PEDS1: variants seen among roughly 807,000 people sequenced by gnomAD.
PEDS1 encodes the protein plasmanylethanolamine desaturase 1, also known as CarF homolog.
A neutral mutation model predicts 35.2 loss-of-function variants in PEDS1; 14 were observed. The ratio of observed to expected loss-of-function variants is 0.40; its 90% CI spans 0.26 to 0.62. The LOEUF (loss-of-function observed/expected upper bound fraction) is 0.62. Among genes scored for constraint, PEDS1 ranks in the 20% least tolerant of loss-of-function variants. The pLI is 0.44. For missense variants in PEDS1, 260 were observed against 367.8 expected (o/e 0.71, Z 2.40); for synonymous variants, 152 against 152.0 (o/e 1.00, Z 0.00).
chr20:50,126,191 C>T (rs1248852037), intron 5 of PEDS1, among the ~76,000 whole-genome samples: 2 of 152,190 alleles, frequency 1.3e-5, no homozygotes, highest in Non-Finnish European at 2.9e-5. Context: ...GCTTAGAATA[C>T]AGCCAGGCGC....
At position 50,130,889 on chromosome 20, in the gene PEDS1, T is replaced by A; in HGVS notation, c.300A>T (p.Thr100=). Reference sequence around the variant, plus strand: ...CAATGGGCAGCTCCACAGAGCCCCATGTGTCAGCACCCCAGTGTACCAGGC... The same window carrying A: ...CAATGGGCAGCTCCACAGAGCCCCAAGTGTCAGCACCCCAGTGTACCAGGC... ...LSGLVHWGAD[T]WGSVELPIVG... The change falls in exon 3 of 6, where the codon ACA becomes ACT. Residue 100 remains threonine, a synonymous_variant. Transcript: ENST00000371652. 6.2e-7 allele frequency: 1 copy of A among 1,614,154 alleles called. No individual in the cohort carries two copies. The highest frequency in any genetic ancestry group is 8.5e-7 in the Non-Finnish European group (1 of 1,180,032).
intron 1 of PEDS1, among the ~76,000 whole-genome samples, chr20:50,150,854 C>T (rs1157306248): frequency 6.6e-6 from 1 of 152,134 alleles, no homozygotes; most frequent in Non-Finnish European, 1.5e-5. Context: ...TGCCACCATG[C>T]CCAGCTAATT....
At chr20:50,151,295 T>C (rs1383719983) in intron 1 of PEDS1, 6 of 1,304,296 alleles carry the variant, frequency 4.6e-6, no homozygotes, top group Non-Finnish European at 6.1e-6. Flanking sequence ...GGCATGGCTG[T>C]TCTTCAGAGA....
intron 2 of PEDS1, among the ~76,000 whole-genome samples, chr20:50,132,675 T>A (rs1266766973): frequency 1.3e-5 from 2 of 152,108 alleles, no homozygotes; most frequent in Non-Finnish European, 2.9e-5. Context: ...AACAAGGAGG[T>A]TGGCTCCACC....
chr20:50,121,385 C>G lies in PEDS1; in HGVS notation c.*3673G>C, dbSNP rs988768894. On this transcript the variant is annotated 3_prime_UTR_variant, in exon 6 of 6. Coordinates refer to ENST00000371652, the MANE Select transcript of PEDS1 (RefSeq NM_199129.4). ...GCTGGCTCAAATCCTGATTCTGCCA[C>G]CTACCAGCTGTGTGACCTTGGGCAT... 1 of 152,326 alleles carries G rather than the reference C, an allele frequency of 6.6e-6. No homozygotes were observed. The highest frequency in any genetic ancestry group is 2.4e-5 in the African/African-American group (1 of 41,430). The allele number at this position is 152,326 out of a possible 1,614,324, so 9.4% of individuals were successfully genotyped here.
chr20:50,151,320 G>A lies in PEDS1; in HGVS notation c.121+2197C>T, dbSNP rs368786923. 5 of 1,303,036 alleles carry A rather than the reference G, an allele frequency of 3.8e-6. No homozygotes were observed. The South Asian group carries it at 4.9e-5, about 13-fold the overall frequency. The allele number at this position is 1,303,036 out of a possible 1,614,324, so 80.7% of individuals were successfully genotyped here. On this transcript the variant is annotated intron_variant, in intron 1 of 5. Coordinates refer to ENST00000371652, the MANE Select transcript of PEDS1 (RefSeq NM_199129.4). ...TTCTTCAGAGAGTGAAGGGCACTTG[G>A]GGAAACCAGAAATGGACAAATATGC... is the stretch of plus-strand genomic sequence containing the variant.
At chr20:50,139,412 C>G (rs918509700) in intron 2 of PEDS1, among the ~76,000 whole-genome samples, 1 of 152,098 alleles carries the variant, frequency 6.6e-6, no homozygotes, top group East Asian at 1.9e-4. Context: ...TACTGGCCAC[C>G]TTGCTGGTCC....
At position 50,120,720 on chromosome 20, in the gene PEDS1, T is replaced by C. The variant is rs2081044613; in HGVS notation, c.*4338A>G. 1 of 152,168 alleles carries C rather than the reference T, an allele frequency of 6.6e-6. No homozygotes were observed. The highest frequency in any genetic ancestry group is 1.5e-5 in the Non-Finnish European group (1 of 68,108). 9.4% of individuals were successfully genotyped at this position (152,168 alleles called of 1,614,324 possible). ...TGGGGGTGGTGGCACATGTCTGTCG[T>C]TCCCGCTATTCAAGAGGCTGAAATG... On this transcript the variant is annotated 3_prime_UTR_variant, in exon 6 of 6. Transcript: ENST00000371652.
chr20:50,140,625 G>C (rs1330793518), intron 2 of PEDS1, among the ~76,000 whole-genome samples: 2 of 152,184 alleles, frequency 1.3e-5, no homozygotes, highest in South Asian at 4.1e-4. Context: ...AGGTCTCTGT[G>C]CAAACGTCAT....
At position 50,121,174 on chromosome 20, in the gene PEDS1, C is replaced by T. The variant is rs767326945; in HGVS notation, c.*3884G>A. On this transcript the variant is annotated 3_prime_UTR_variant, in exon 6 of 6. Transcript: ENST00000371652. ...GTTTAGATTTCTGGCTCCTGTTTAA[C>T]CAGCTGCTGTGAGTAGCAGCTGCCC... 5.3e-5 allele frequency: 8 copies of T among 152,190 alleles called. No individual in the cohort carries two copies. Among genetic ancestry groups the T allele is most frequent in the Non-Finnish European group, 1.0e-4 (7 of 68,048 alleles). The allele number at this position is 152,190 out of a possible 1,614,324, so 9.4% of individuals were successfully genotyped here. A position where few individuals can be genotyped will look rare whatever the true frequency, so the allele number is the denominator to read the frequency against.
chr20:50,130,037 C>G (rs1362207064), intron 3 of PEDS1, among the ~76,000 whole-genome samples: 1 of 152,190 alleles, frequency 6.6e-6, no homozygotes, highest in Non-Finnish European at 1.5e-5. Flanking sequence ...GTGGGACCCT[C>G]TGGACCCCCT....
intron 2 of PEDS1, among the ~76,000 whole-genome samples, chr20:50,143,292 G>A (rs2081313398): frequency 6.6e-6 from 1 of 152,214 alleles, no homozygotes; most frequent in African/African-American, 2.4e-5. Context: ...AAGAGGAAGA[G>A]AGGAACTGAG....
chr20:50,133,323 T>C (rs2081198790), intron 2 of PEDS1, among the ~76,000 whole-genome samples: 1 of 152,034 alleles, frequency 6.6e-6, no homozygotes, highest in African/African-American at 2.4e-5. Flanking sequence ...CACAGCTTCA[T>C]GCAGGCACCT....
chr20:50,140,775 T>C (rs1323600572), intron 2 of PEDS1, among the ~76,000 whole-genome samples: 1 of 152,124 alleles, frequency 6.6e-6, no homozygotes, highest in Non-Finnish European at 1.5e-5. Flanking sequence ...CCTGGGACAG[T>C]GGAAGCTCTG....
Position 50,129,989 on chromosome 20 carries a change from C to T in PEDS1, c.334-299G>A, listed in dbSNP as rs1403831692. Among the ~76,000 whole-genome samples, 2 of 152,172 alleles carry T rather than the reference C, an allele frequency of 1.3e-5. No homozygotes were observed. Among genetic ancestry groups the T allele is most frequent in the Non-Finnish European group, 2.9e-5 (2 of 68,032 alleles). On this transcript the variant is annotated intron_variant, in intron 3 of 5. Transcript: ENST00000371652. This position sits in a 1 kb window ranked among gnomAD's most constrained non-coding sequence, Gnocchi z 4.2. ...GGAGACAACCTCCGCCCTTCCTCCC[C>T]ACCCCAAGGCAGTTGAGGAGGTCCC... is the stretch of plus-strand genomic sequence containing the variant.
At chr20:50,153,467 G>A in intron 1 of PEDS1, 50 bp downstream of exon 1, 2 of 1,279,496 alleles carry the variant, frequency 1.6e-6, no homozygotes, top group African/African-American at 1.5e-5. Context: ...GTCGCTGTCC[G>A]CAGCCGGGGC....
intron 2 of PEDS1, among the ~76,000 whole-genome samples, chr20:50,136,521 G>A (rs2081235898): frequency 1.3e-5 from 2 of 151,550 alleles, no homozygotes; most frequent in African/African-American, 2.4e-5. Context: ...TCAGGAGTTC[G>A]AGACCAGCAT....
chr20:50,133,042 T>A (rs1483780258), intron 2 of PEDS1, among the ~76,000 whole-genome samples: 1 of 152,140 alleles, frequency 6.6e-6, no homozygotes, highest in Non-Finnish European at 1.5e-5. Context: ...TGTCCAAGAT[T>A]CTGAGTTCTG....
intron 1 of PEDS1, among the ~76,000 whole-genome samples, chr20:50,152,771 A>C (rs2081418250): frequency 6.6e-6 from 1 of 152,074 alleles, no homozygotes; most frequent in Non-Finnish European, 1.5e-5. Flanking sequence ...GGGCTTATGT[A>C]CAGGGGAGCT....
Sources: gnomAD v4.1 joint callset for allele counts (sites outside exome capture counted in the v4.1 genomes callset) on GRCh38, gnomAD v4.1.1 for gene constraint, Gnocchi (gnomAD v3.1) non-coding constraint, MANE v1.5 for transcripts, NCBI Gene and HGNC (gene_info 2026-07-23, HGNC 2026-07-21) for gene names.